Variants in NRG3 observed in about 807,000 individuals in gnomAD.
NRG3 encodes neuregulin 3.
In NRG3, 31 loss-of-function variants were observed where a neutral mutation model predicts 66.9. That is an observed-to-expected ratio of 0.46 (90% CI 0.35 to 0.63). The LOEUF (loss-of-function observed/expected upper bound fraction) is 0.63. NRG3 is among the 20% of genes least tolerant of loss of function. The pLI, the probability that NRG3 is intolerant of heterozygous loss-of-function variation, is 0.00. For synonymous variants in NRG3, 393 were observed against 359.4 expected, an observed-to-expected ratio of 1.09 and a Z score of -1.06; for missense variants, 910 against 878.9, an observed-to-expected ratio of 1.04 and a Z score of -0.45.
At chr10:82,408,382 C>T (rs1453043249) in intron 2 of NRG3, among the ~76,000 whole-genome samples, 1 of 151,936 alleles carries the variant, frequency 6.6e-6, no homozygotes, top group Non-Finnish European at 1.5e-5. Context: ...GATGTATCAT[C>T]AAGGAGTTCA....
chr10:81,908,662 G>A (rs1376617425), intron 1 of NRG3, among the ~76,000 whole-genome samples: 2 of 152,138 alleles, frequency 1.3e-5, no homozygotes, highest in East Asian at 1.9e-4. Flanking sequence ...ATGTGGGAAT[G>A]GGAAAAAGTG....
At chr10:82,674,641 A>G (rs1387722372) in intron 2 of NRG3, among the ~76,000 whole-genome samples, 3 of 152,132 alleles carry the variant, frequency 2.0e-5, no homozygotes, top group African/African-American at 2.4e-5. Context: ...CCAGCACTCT[A>G]TATCTGATAA....
chr10:82,532,615 CTATA>C (rs1219509505), intron 2 of NRG3, among the ~76,000 whole-genome samples: 1 of 147,074 alleles, frequency 6.8e-6, no homozygotes, highest in South Asian at 2.1e-4. Flanking sequence ...GTATATAGTA[CTATA>C]TAGAGAGAGT....
At chr10:82,974,463 A>G (rs570729778) in intron 7 of NRG3, among the ~76,000 whole-genome samples, 13 of 152,320 alleles carry the variant, frequency 8.5e-5, no homozygotes, top group African/African-American at 1.9e-4. Flanking sequence ...GACACATTTC[A>G]TAGCATTCTA....
intron 2 of NRG3, among the ~76,000 whole-genome samples, chr10:82,533,239 T>G (rs1464547896): frequency 6.6e-6 from 1 of 152,148 alleles, no homozygotes; most frequent in African/African-American, 2.4e-5. Context: ...TCTCCCATTC[T>G]GTAGGTTGAC....
chr10:82,605,823 T>G (rs2047932995), intron 2 of NRG3, among the ~76,000 whole-genome samples: 1 of 152,084 alleles, frequency 6.6e-6, no homozygotes, highest in East Asian at 1.9e-4. Flanking sequence ...CTATTTCTCC[T>G]TCTGTGAGTT....
chr10:82,573,011 G>A (rs916328826), intron 2 of NRG3, among the ~76,000 whole-genome samples: 11 of 151,910 alleles, frequency 7.2e-5, no homozygotes, highest in African/African-American at 2.7e-4. Flanking sequence ...TGCCATTCAC[G>A]AATGCATTAA....
chr10:82,137,166 G>C (rs1011998935), intron 1 of NRG3, among the ~76,000 whole-genome samples: 10 of 152,102 alleles, frequency 6.6e-5, no homozygotes, highest in African/African-American at 2.2e-4. Flanking sequence ...TGTAGATTTT[G>C]AATACCAATA....
chr10:82,302,734 ATGACAAGATTTCGAGTAAC>A (rs2080473889), intron 1 of NRG3, among the ~76,000 whole-genome samples: 1 of 152,222 alleles, frequency 6.6e-6, no homozygotes, highest in East Asian at 1.9e-4. Flanking sequence ...CAATTTCACG[ATGACAAGATTTCGAGTAAC>A]TTTAAATGTG....
At chr10:82,811,287 T>G (rs1392906758) in intron 3 of NRG3, among the ~76,000 whole-genome samples, 9 of 152,244 alleles carry the variant, frequency 5.9e-5, no homozygotes, top group Non-Finnish European at 1.0e-4. Flanking sequence ...CACCTGTTTG[T>G]TCACTGCCAT....
intron 2 of NRG3, among the ~76,000 whole-genome samples, chr10:82,636,633 T>C (rs1200241060): frequency 1.3e-5 from 2 of 152,244 alleles, no homozygotes; most frequent in African/African-American, 4.8e-5. Flanking sequence ...TCAGTTTCTT[T>C]ATCTATTTGT....
intron 2 of NRG3, among the ~76,000 whole-genome samples, chr10:82,468,269 C>T (rs543800007): frequency 1.1e-4 from 17 of 152,120 alleles, no homozygotes; most frequent in Non-Finnish European, 1.5e-4. Context: ...TGATGCTCCT[C>T]CCTTGCATGA....
chr10:82,707,328 A>T (rs1057445388), intron 2 of NRG3, among the ~76,000 whole-genome samples: 3 of 151,838 alleles, frequency 2.0e-5, no homozygotes, highest in Admixed American at 6.6e-5. Flanking sequence ...TTTCAATTTC[A>T]TTTTAAAGTA....
chr10:82,396,635 G>T (rs1484620485), intron 2 of NRG3, among the ~76,000 whole-genome samples: 2 of 152,200 alleles, frequency 1.3e-5, no homozygotes, highest in Non-Finnish European at 2.9e-5. Flanking sequence ...TTTACATAGT[G>T]ATTTGTTGAC....
chr10:82,043,682 G>T lies in NRG3; in HGVS notation c.823+167519G>T, dbSNP rs142013965. Among the ~76,000 whole-genome samples the T allele has an allele frequency of 7.9e-3, 1,203 of 152,018 alleles. 19 individuals are homozygous for T. Among genetic ancestry groups the T allele is most frequent in the African/African-American group, 0.027 (1,125 of 41,502 alleles). ...TGGTCCATTTCTGGGCAGTTGCTTT[G>T]CTTTATATTATATATTTTTGATGAT... is the stretch of plus-strand genomic sequence containing the variant. On this transcript the variant is annotated intron_variant, in intron 1 of 8. Transcript: ENST00000372141.
chr10:82,466,334 A>C (rs945319951), intron 2 of NRG3, among the ~76,000 whole-genome samples: 7 of 152,108 alleles, frequency 4.6e-5, no homozygotes, highest in Non-Finnish European at 7.4e-5. Context: ...CACAAGAGGC[A>C]CTTGAGTAGG....
At chr10:82,827,656 A>T (rs1240128331) in intron 3 of NRG3, among the ~76,000 whole-genome samples, 1 of 152,206 alleles carries the variant, frequency 6.6e-6, no homozygotes, top group Admixed American at 6.5e-5. Context: ...AAAATCTCAG[A>T]ATAGCTTTCA....
chr10:82,189,347 G>A (rs540951749), intron 1 of NRG3, among the ~76,000 whole-genome samples: 2 of 152,210 alleles, frequency 1.3e-5, no homozygotes, highest in African/African-American at 4.8e-5. Context: ...ATAAATGTGT[G>A]TGTTGTTATA....
chr10:82,170,679 T>C (rs1323402481), intron 1 of NRG3, among the ~76,000 whole-genome samples: 1 of 115,592 alleles, frequency 8.7e-6, no homozygotes, highest in African/African-American at 3.7e-5. Context: ...TATATATATA[T>C]ATATATATAT....
Sources: gnomAD v4.1 joint callset for allele counts (sites outside exome capture counted in the v4.1 genomes callset) on GRCh38, gnomAD v4.1.1 for gene constraint, MANE v1.5 for transcripts, NCBI Gene and HGNC (gene_info 2026-07-23, HGNC 2026-07-21) for gene names.